SASH1: variants seen among roughly 807,000 people sequenced by gnomAD.
SASH1 encodes the protein SAM and SH3 domain-containing protein 1.
Under a neutral mutation model 125.2 loss-of-function variants are expected in SASH1, and 44 were observed. The ratio of observed to expected loss-of-function variants is 0.35; its 90% CI spans 0.28 to 0.45. The LOEUF (loss-of-function observed/expected upper bound fraction) is 0.45, where lower values mean the gene tolerates loss of function less well. SASH1 is among the 20% of genes least tolerant of loss of function. The pLI is 1.00. For synonymous variants in SASH1, 639 were observed against 649.1 expected, an observed-to-expected ratio of 0.98 and a Z score of 0.24; for missense variants, 1,426 against 1,614.5, an observed-to-expected ratio of 0.88 and a Z score of 2.00.
intron 2 of SASH1, among the ~76,000 whole-genome samples, chr6:148,399,214 C>CTTTTT (rs371374910): frequency 3.8e-5 from 4 of 106,664 alleles, no homozygotes; most frequent in African/African-American, 7.4e-5. Flanking sequence ...ATTTCAGCTT[C>CTTTTT]TTTTTTTTTT....
chr6:148,332,597 A>T (rs1251221151), intron 1 of SASH1, among the ~76,000 whole-genome samples: 1 of 81,456 alleles, frequency 1.2e-5, no homozygotes, highest in Non-Finnish European at 2.6e-5. Context: ...CAGAGCTTTA[A>T]AAAAAAAAAA....
chr6:148,367,351 T>G (rs1223466615), intron 1 of SASH1, among the ~76,000 whole-genome samples: 2 of 152,276 alleles, frequency 1.3e-5, no homozygotes, highest in African/African-American at 4.8e-5. Flanking sequence ...CAGTTGAGTC[T>G]GACCATGCAC....
intron 1 of SASH1, among the ~76,000 whole-genome samples, chr6:148,299,486 GT>G (rs899069083): frequency 1.3e-5 from 2 of 151,938 alleles, no homozygotes; most frequent in Non-Finnish European, 2.9e-5. Context: ...GGCCAACATG[GT>G]AAAACCTCAT....
the SASH1 span, among the ~76,000 whole-genome samples, chr6:148,254,254 AC>A: frequency 6.6e-6 from 1 of 152,200 alleles, no homozygotes; most frequent in Admixed American, 6.5e-5. Flanking sequence ...ATTAGATGCA[AC>A]AAAGTTTTTG....
chr6:148,379,305 G>A (rs1162433858), intron 1 of SASH1, among the ~76,000 whole-genome samples: 2 of 152,080 alleles, frequency 1.3e-5, no homozygotes, highest in East Asian at 3.8e-4. Flanking sequence ...AACATGTTAA[G>A]CTCTCTCTCT....
At chr6:148,497,026 T>C (rs370237648) in intron 8 of SASH1, among the ~76,000 whole-genome samples, 1 of 152,286 alleles carries the variant, frequency 6.6e-6, no homozygotes, top group South Asian at 2.1e-4. Flanking sequence ...GGTAGGAGAT[T>C]ATAGGAGGAA....
the SASH1 span, among the ~76,000 whole-genome samples, chr6:148,262,714 C>T: frequency 6.6e-6 from 1 of 152,122 alleles, no homozygotes; most frequent in East Asian, 1.9e-4. Flanking sequence ...GAAACCCCAT[C>T]TCTAGTAAAA....
At chr6:148,264,516 A>T in the SASH1 span, among the ~76,000 whole-genome samples, 1 of 152,228 alleles carries the variant, frequency 6.6e-6, no homozygotes, top group African/African-American at 2.4e-5. Flanking sequence ...ATGGTTTCTT[A>T]TTGGGTCTCA....
chr6:148,324,740 A>G lies in SASH1; in HGVS notation n.74+52363A>G, dbSNP rs115961884. 1.3e-3 allele frequency among the ~76,000 whole-genome samples: 193 copies of G among 152,376 alleles called. 1 individual carries two copies. The highest frequency in any genetic ancestry group is 4.2e-3 in the African/African-American group (173 of 41,590). On this transcript the variant is annotated intron_variant and non_coding_transcript_variant, in intron 1 of 3. Coordinates refer to the SASH1 transcript ENST00000367469. ...GCTTTCAGGAATAATGCAATTTTATAGGATGACTAACAGTCCTAGTTAGCC... is the reference window on the plus strand; with the variant it reads ...GCTTTCAGGAATAATGCAATTTTATGGGATGACTAACAGTCCTAGTTAGCC...
At chr6:148,293,037 CAG>C (rs1403880540) in intron 1 of SASH1, among the ~76,000 whole-genome samples, 1 of 150,622 alleles carries the variant, frequency 6.6e-6, no homozygotes, top group Non-Finnish European at 1.5e-5. Flanking sequence ...GCCTGGGCAA[CAG>C]AGTGATACTC....
chr6:148,496,010 T>C (rs1243148071), intron 8 of SASH1, among the ~76,000 whole-genome samples: 1 of 151,804 alleles, frequency 6.6e-6, no homozygotes, highest in Non-Finnish European at 1.5e-5. Flanking sequence ...TAATTTTTTT[T>C]TTTTTTTTGT....
chr6:148,215,189 G>A, the SASH1 span, among the ~76,000 whole-genome samples: 3 of 152,088 alleles, frequency 2.0e-5, no homozygotes, highest in Non-Finnish European at 4.4e-5. Context: ...CACTCACCTA[G>A]CTTTATGTTT....
intron 2 of SASH1, among the ~76,000 whole-genome samples, chr6:148,414,352 C>T (rs1463268254): frequency 6.6e-6 from 1 of 151,810 alleles, no homozygotes; most frequent in African/African-American, 2.4e-5. Context: ...CAGAATGGTT[C>T]AGGATGAGGG....
intron 1 of SASH1, among the ~76,000 whole-genome samples, chr6:148,335,583 T>C (rs769776689): frequency 6.6e-6 from 1 of 151,320 alleles, no homozygotes; most frequent in Admixed American, 6.6e-5. Context: ...AATGGATATA[T>C]CCGAAAACTG....
At chr6:148,538,843 C>A (rs1782042798) in intron 16 of SASH1, among the ~76,000 whole-genome samples, 1 of 152,188 alleles carries the variant, frequency 6.6e-6, no homozygotes, top group Non-Finnish European at 1.5e-5. Flanking sequence ...AAAATAAAGC[C>A]ATTCATCATT....
At chr6:148,349,170 G>C (rs986938470) in intron 1 of SASH1, among the ~76,000 whole-genome samples, 1 of 151,368 alleles carries the variant, frequency 6.6e-6, no homozygotes, top group Non-Finnish European at 1.5e-5. Context: ...GGGCACCGGT[G>C]AAAGAGGCCA....
At chr6:148,428,207 T>TA in intron 2 of SASH1, among the ~76,000 whole-genome samples, 1 of 152,376 alleles carries the variant, frequency 6.6e-6, no homozygotes, top group East Asian at 1.9e-4. Context: ...ATTTGTGTCA[T>TA]ATAAATTAAT....
intron 4 of SASH1, among the ~76,000 whole-genome samples, chr6:148,450,405 C>T (rs905969709): frequency 4.6e-5 from 7 of 152,112 alleles, no homozygotes; most frequent in African/African-American, 1.2e-4. Flanking sequence ...CTGGATATTA[C>T]GATTACCCAA....
At chr6:148,443,397 G>A (rs923736833) in intron 4 of SASH1, among the ~76,000 whole-genome samples, 1 of 59,002 alleles carries the variant, frequency 1.7e-5, no homozygotes, top group Non-Finnish European at 3.5e-5. Flanking sequence ...TATCTGCCAG[G>A]TTTTCTCTGA....
Sources: gnomAD v4.1 joint callset for allele counts (sites outside exome capture counted in the v4.1 genomes callset) on GRCh38, gnomAD v4.1.1 for gene constraint, MANE v1.5 for transcripts, NCBI Gene and HGNC (gene_info 2026-07-23, HGNC 2026-07-21) for gene names.